The following BRD4 variants were observed in gnomAD, a reference collection of about 807,000 sequenced individuals.
BRD4 encodes bromodomain-containing protein 4.
In BRD4, 16 loss-of-function variants were observed where a neutral mutation model predicts 142.1. The ratio of observed to expected loss-of-function variants is 0.11; its 90% CI spans 0.08 to 0.17. The LOEUF is 0.17. Ranked by LOEUF, BRD4 falls within the 10% of genes least tolerant of loss-of-function variation. The pLI is 1.00. For missense variants in BRD4, 1,424 were observed against 1,810.9 expected (o/e 0.79, Z 3.88); for synonymous variants, 833 against 707.5 (o/e 1.18, Z -2.82).
Position 15,236,791 on chromosome 19 carries a change from C to T in BRD4, c.*1586G>A. The T allele has an allele frequency of 5.6e-6, 1 of 178,118 alleles. No individual in the cohort carries two copies. The highest frequency in any genetic ancestry group is 2.4e-5 in the African/African-American group (1 of 42,170). 11.0% of individuals were successfully genotyped at this position (178,118 alleles called of 1,614,324 possible). A position where few individuals can be genotyped will look rare whatever the true frequency, so the allele number is the denominator to read the frequency against. On this transcript the variant is annotated 3_prime_UTR_variant, in exon 20 of 20. Transcript: ENST00000679869. ...GGTCCAGGGGGTCCCCTGGGCCTAGCCTAGGCAACAGTTGGTTCACAAAGA... is the reference window on the plus strand; with the variant it reads ...GGTCCAGGGGGTCCCCTGGGCCTAGTCTAGGCAACAGTTGGTTCACAAAGA...
intron 1 of BRD4, among the ~76,000 whole-genome samples, chr19:15,323,521 C>T (rs1434102401): frequency 6.6e-6 from 1 of 152,164 alleles, no homozygotes; most frequent in Non-Finnish European, 1.5e-5. Context: ...TTTTCTCACC[C>T]TCTTCCCTTT....
At chr19:15,312,945 G>T (rs1034239485) in intron 1 of BRD4, among the ~76,000 whole-genome samples, 5 of 152,028 alleles carry the variant, frequency 3.3e-5, no homozygotes, top group African/African-American at 9.7e-5. Context: ...ACAAAACAAA[G>T]ATGTCAGGCG....
chr19:15,285,253 A>G, intron 1 of BRD4, among the ~76,000 whole-genome samples: 1 of 152,262 alleles, frequency 6.6e-6, no homozygotes, highest in East Asian at 1.9e-4. Context: ...AACCCAGGGC[A>G]GCGACTATCA....
intron 1 of BRD4, among the ~76,000 whole-genome samples, chr19:15,297,221 C>T (rs112313339): frequency 1.3e-5 from 2 of 152,320 alleles, no homozygotes; most frequent in African/African-American, 2.4e-5. Context: ...TAACAAAAGA[C>T]ACAACATAGC....
At chr19:15,248,966 G>C in intron 11 of BRD4, 1 of 495,108 alleles carries the variant, frequency 2.0e-6, no homozygotes, top group East Asian at 3.3e-5. Context: ...GTTGGGGATT[G>C]TCATCACCCT....
At chr19:15,257,643 T>C (rs1011444428) in intron 7 of BRD4, among the ~76,000 whole-genome samples, 2 of 152,106 alleles carry the variant, frequency 1.3e-5, no homozygotes, top group Non-Finnish European at 2.9e-5. Context: ...CCGGTGGGAA[T>C]GTACCTGCCA....
In BRD4 at chr19:15,272,944, G is replaced by A; in HGVS notation, c.156C>T (p.Asn52=). 2 of 1,614,154 alleles carry A rather than the reference G, an allele frequency of 1.2e-6. No individual in the cohort carries two copies. The highest frequency in any genetic ancestry group is 1.7e-6 in the Non-Finnish European group (2 of 1,180,034). Residue 52 remains asparagine (N), a synonymous_variant, in exon 2 of 20, where the codon AAC becomes AAT. Transcript: ENST00000679869. ...STNPPPPETS[N]PNKPKRQTNQ... is the part of the protein sequence containing the mutation. ...TGGTCTGCCTCTTGGGCTTGTTAGG[G>A]TTGGAGGTCTCTGGGGGCGGGGGGT...
Position 15,239,847 on chromosome 19 carries a change from G to A in BRD4, c.3283-26C>T, listed in dbSNP as rs201460342. 2.9e-5 allele frequency: 46 copies of A among 1,613,750 alleles called. No individual in the cohort carries two copies. Among genetic ancestry groups the A allele is most frequent in the Middle Eastern group, 1.6e-4 (1 of 6,084 alleles). On this transcript the variant is annotated intron_variant, in intron 15 of 19. Coordinates refer to ENST00000679869, the MANE Select transcript of BRD4 (RefSeq NM_001379291.1). The surrounding 1 kb of genome is among the most constrained non-coding windows in gnomAD (Gnocchi z 7.4). ...CTGGGATGGCACAGGCACAGCGGCCGGTGAGGTGGGCAGGCACCCCCGGCC... is the reference window on the plus strand; with the variant it reads ...CTGGGATGGCACAGGCACAGCGGCCAGTGAGGTGGGCAGGCACCCCCGGCC...
chr19:15,277,412 G>C (rs1016188423), intron 1 of BRD4, among the ~76,000 whole-genome samples: 1 of 152,110 alleles, frequency 6.6e-6, no homozygotes, highest in South Asian at 2.1e-4. Flanking sequence ...CAAGGCAATT[G>C]ATCATTTCAA....
At chr19:15,293,489 G>C (rs1319483698) in intron 1 of BRD4, among the ~76,000 whole-genome samples, 1 of 152,050 alleles carries the variant, frequency 6.6e-6, no homozygotes, top group South Asian at 2.1e-4. Context: ...CTTGCCAAAA[G>C]AAAAATCAGC....
intron 7 of BRD4, among the ~76,000 whole-genome samples, chr19:15,260,245 G>A (rs1246954122): frequency 1.3e-5 from 2 of 152,164 alleles, no homozygotes. Flanking sequence ...AAAATAAAGT[G>A]GCTCCTTTTC....
intron 1 of BRD4, among the ~76,000 whole-genome samples, chr19:15,310,038 G>A (rs1248185727): frequency 2.0e-5 from 3 of 152,016 alleles, no homozygotes; most frequent in Admixed American, 1.3e-4. Context: ...GTTACATTCT[G>A]AGGCAATGCA....
At chr19:15,273,234 C>T in intron 1 of BRD4, 101 bp from the exon 2 acceptor site, 1 of 1,271,616 alleles carries the variant, frequency 7.9e-7, no homozygotes. Flanking sequence ...GACTGAGTTC[C>T]CTGGCGGTAG....
Position 15,237,159 on chromosome 19 carries a change from A to G in BRD4, c.*1218T>C. 4.9e-6 allele frequency: 1 copy of G among 205,372 alleles called. No individual in the cohort carries two copies. The highest frequency in any genetic ancestry group is 9.9e-6 in the Non-Finnish European group (1 of 101,276). The allele number at this position is 205,372 out of a possible 1,614,324, so 12.7% of individuals were successfully genotyped here. On this transcript the variant is annotated 3_prime_UTR_variant, in exon 20 of 20. Coordinates refer to ENST00000679869, the MANE Select transcript of BRD4 (RefSeq NM_001379291.1). ...TCCCTTGGCCCTTCCTTTCTCAGTA[A>G]AAAACAAAAACAAAAACAAAAACCA...
Position 15,235,671 on chromosome 19 carries a change from T to C in BRD4, c.*2706A>G, listed in dbSNP as rs373284227. The C allele has an allele frequency of 2.5e-4, 38 of 152,306 alleles. No homozygotes were observed. The East Asian group carries it at 6.6e-3, about 26-fold the overall frequency. The allele number at this position is 152,306 out of a possible 1,614,324, so 9.4% of individuals were successfully genotyped here. A position where few individuals can be genotyped will look rare whatever the true frequency, so the allele number is the denominator to read the frequency against. On this transcript the variant is annotated 3_prime_UTR_variant, in exon 20 of 20. Transcript: ENST00000679869. ...AGTCTCAGATTCACTGACATAATTA[T>C]TGGCCAAGCGATCCGTGCATACAGT...
At position 15,264,520 on chromosome 19, in the gene BRD4, C is replaced by A. The variant is rs927905743; in HGVS notation, c.1096G>T (p.Ala366Ser). The change falls in exon 6 of 20, where the codon GCC (alanine) becomes TCC (serine). Residue 366 changes from alanine to serine, a missense_variant. By Grantham distance (99) the Ala-to-Ser change is moderately conservative. Around this residue, in one of 16 missense-constraint regions of BRD4, gnomAD observed 30 missense variants for 65.2 expected, o/e 0.46. Transcript: ENST00000679869. The part of the protein sequence containing the change: ...CCSGILKEMF[A>S]KKHAAYAWPF... The stretch of plus-strand genomic sequence containing the variant: ...CAGGCGTAGGCGGCGTGCTTCTTGG[C>A]AAACATCTCCTTGAGGATGCCGCTG... 1 of 1,614,082 alleles carries A rather than the reference C, an allele frequency of 6.2e-7. No individual in the cohort carries two copies. Among genetic ancestry groups the A allele is most frequent in the African/African-American group, 1.3e-5 (1 of 74,932 alleles).
chr19:15,237,993 G>A lies in BRD4; in HGVS notation c.*384C>T, dbSNP rs1237805917. 1.2e-5 allele frequency: 3 copies of A among 245,064 alleles called. No homozygotes were observed. The highest frequency in any genetic ancestry group is 2.4e-5 in the Non-Finnish European group (3 of 126,108). The allele number at this position is 245,064 out of a possible 1,614,324, so 15.2% of individuals were successfully genotyped here. A position where few individuals can be genotyped will look rare whatever the true frequency, so the allele number is the denominator to read the frequency against. ...GCGGGCAGGACATCACGAACGTCAC[G>A]TTCTTGGGGACAGAAAACCAGTCAC... is the stretch of plus-strand genomic sequence containing the variant. On this transcript the variant is annotated 3_prime_UTR_variant, in exon 20 of 20. Coordinates refer to ENST00000679869, the MANE Select transcript of BRD4 (RefSeq NM_001379291.1).
intron 10 of BRD4, 147 bp from the exon 11 acceptor site, chr19:15,254,409 G>A: frequency 1.5e-6 from 1 of 663,170 alleles, no homozygotes; most frequent in Non-Finnish European, 2.7e-6. Context: ...ACTGCCAGCT[G>A]CCACTCCCAG....
At chr19:15,310,072 C>A (rs965917713) in intron 1 of BRD4, among the ~76,000 whole-genome samples, 7 of 151,964 alleles carry the variant, frequency 4.6e-5, no homozygotes, top group Non-Finnish European at 2.9e-5. Context: ...ATTCTGTGAG[C>A]CTTTTCAAGG....
Sources: allele counts gnomAD v4.1 joint callset (sites outside exome capture counted in the v4.1 genomes callset), GRCh38; gene constraint gnomAD v4.1.1; regional missense constraint gnomAD v4.1.1; non-coding constraint Gnocchi (gnomAD v3.1); transcripts MANE v1.5; gene names NCBI Gene and HGNC (gene_info 2026-07-23, HGNC 2026-07-21).